The following ZNF148 variants were observed in gnomAD, a reference collection of about 807,000 sequenced individuals.
ZNF148 encodes Beta-Enolase Repressor Factor-1.
A neutral mutation model predicts 67.7 loss-of-function variants in ZNF148; 7 were observed. The observed-to-expected ratio is 0.10, with a 90% CI of 0.06 to 0.19. The LOEUF (loss-of-function observed/expected upper bound fraction) is 0.19. Ranked by LOEUF, ZNF148 falls within the 10% of genes least tolerant of loss-of-function variation. The pLI is 1.00. For missense variants in ZNF148, 583 were observed against 947.1 expected (o/e 0.62, Z 5.05); for synonymous variants, 333 against 330.7 (o/e 1.01, Z -0.08).
intron 7 of ZNF148, among the ~76,000 whole-genome samples, chr3:125,263,957 T>G (rs1415825089): frequency 6.6e-6 from 1 of 152,172 alleles, no homozygotes; most frequent in Non-Finnish European, 1.5e-5. Context: ...TAATAATCAA[T>G]CCATCATGCC....
At chr3:125,367,563 T>C (rs1204219117) in intron 1 of ZNF148, among the ~76,000 whole-genome samples, 3 of 152,274 alleles carry the variant, frequency 2.0e-5, no homozygotes, top group Non-Finnish European at 4.4e-5. Flanking sequence ...AGGCAGGTTA[T>C]GAATAAATGA....
intron 5 of ZNF148, 123 bp downstream of exon 5, chr3:125,287,980 C>G (rs935152657): frequency 9.4e-6 from 13 of 1,383,106 alleles, no homozygotes; most frequent in Non-Finnish European, 1.3e-5. Flanking sequence ...GCACGCACCC[C>G]CTCCTACTAA....
intron 4 of ZNF148, chr3:125,292,347 A>G (rs931118354): frequency 6.6e-6 from 1 of 152,178 alleles, no homozygotes; most frequent in Non-Finnish European, 1.5e-5. Flanking sequence ...AAACATTCTG[A>G]TCTATTTCCC....
intron 5 of ZNF148, among the ~76,000 whole-genome samples, chr3:125,286,094 A>G (rs1369246574): frequency 6.6e-6 from 1 of 152,232 alleles, no homozygotes; most frequent in Non-Finnish European, 1.5e-5. Context: ...ATCCGAAGTA[A>G]CAACCAATCA....
rs561367080 is a variant in ZNF148 at position 125,229,625 on chromosome 3, G to T, written c.*2716C>A. On this transcript the variant is annotated 3_prime_UTR_variant, in exon 9 of 9. Coordinates refer to ENST00000360647, the MANE Select transcript of ZNF148 (RefSeq NM_021964.3). Reference sequence around the variant, plus strand: ...CAAGAGGAAAAGCACACCTCACTCAGATTGATCAAAAGTTTAAGGGTGTAC... The same window carrying T: ...CAAGAGGAAAAGCACACCTCACTCATATTGATCAAAAGTTTAAGGGTGTAC... 3.9e-5 allele frequency: 6 copies of T among 152,268 alleles called. No individual in the cohort carries two copies. The East Asian group carries it at 7.7e-4, about 20-fold the overall frequency. 9.4% of individuals were successfully genotyped at this position (152,268 alleles called of 1,614,324 possible).
At chr3:125,290,766 C>CA (rs1432178150) in intron 4 of ZNF148, among the ~76,000 whole-genome samples, 1 of 151,526 alleles carries the variant, frequency 6.6e-6, no homozygotes. Flanking sequence ...GATGCATTAC[C>CA]AAAAAAACAC....
intron 7 of ZNF148, among the ~76,000 whole-genome samples, chr3:125,235,673 C>T (rs1448171154): frequency 6.6e-6 from 1 of 152,000 alleles, no homozygotes; most frequent in Non-Finnish European, 1.5e-5. Flanking sequence ...CTGCACTATT[C>T]ACAATAGCAA....
chr3:125,313,597 C>T lies in ZNF148; in HGVS notation c.44G>A (p.Gly15Asp), dbSNP rs1940337344. The change falls in exon 4 of 9, where the codon GGC becomes GAC. Residue 15 changes from glycine to aspartate, a missense_variant. This residue lies in a region of ZNF148 where 150 missense variants were observed against 202.5 expected (regional missense o/e 0.74). Transcript: ENST00000360647. ...DKLEGLFLKC[G>D]GIDEMQSSRT... ...GGAAGACTGCATTTCGTCTATGCCG[C>T]CACATTTAAGAAACAATCCTTCCAG... 1 of 1,614,038 alleles carries T rather than the reference C, an allele frequency of 6.2e-7. No individual in the cohort carries two copies. Among genetic ancestry groups the T allele is most frequent in the Admixed American group, 1.7e-5 (1 of 60,018 alleles).
At chr3:125,288,393 T>C (rs1938820332) in intron 4 of ZNF148, among the ~76,000 whole-genome samples, 165 bp from the exon 5 acceptor site, 1 of 151,990 alleles carries the variant, frequency 6.6e-6, no homozygotes. Flanking sequence ...AATTCATTAA[T>C]AGGCAGTGGG....
intron 7 of ZNF148, among the ~76,000 whole-genome samples, chr3:125,255,635 G>C (rs190648796): frequency 6.6e-6 from 1 of 151,828 alleles, no homozygotes; most frequent in Non-Finnish European, 1.5e-5. Flanking sequence ...AGACTGCTGG[G>C]AACAAATTTA....
At chr3:125,258,941 T>A (rs1937216888) in intron 7 of ZNF148, among the ~76,000 whole-genome samples, 1 of 152,196 alleles carries the variant, frequency 6.6e-6, no homozygotes, top group African/African-American at 2.4e-5. Context: ...CAAAAAAATA[T>A]GTTAATGTAA....
At chr3:125,336,878 T>G (rs1030601784) in intron 1 of ZNF148, among the ~76,000 whole-genome samples, 1 of 151,772 alleles carries the variant, frequency 6.6e-6, no homozygotes, top group Non-Finnish European at 1.5e-5. Context: ...GGTTTCACCA[T>G]GTTGGCCAGG....
chr3:125,264,749 C>G lies in ZNF148; in HGVS notation c.667+12977G>C, dbSNP rs898921215. On this transcript the variant is annotated intron_variant, in intron 7 of 8. Coordinates refer to ENST00000360647, the MANE Select transcript of ZNF148 (RefSeq NM_021964.3). ...TCCATTTCATTCAATTTTCAGTCTT[C>G]AGGTCTTTTTCAGAACCTCATCACT... Among the ~76,000 whole-genome samples the G allele has an allele frequency of 3.3e-5, 5 of 152,190 alleles. No individual in the cohort carries two copies. In the South Asian group the frequency reaches 6.2e-4, roughly 19 times the overall value.
intron 7 of ZNF148, among the ~76,000 whole-genome samples, chr3:125,256,907 T>A (rs1354019347): frequency 6.6e-6 from 1 of 152,064 alleles, no homozygotes; most frequent in African/African-American, 2.4e-5. Context: ...TAATCTTCCA[T>A]TAAACTTATG....
At chr3:125,244,354 C>T (rs1390953230) in intron 7 of ZNF148, among the ~76,000 whole-genome samples, 2 of 152,166 alleles carry the variant, frequency 1.3e-5, no homozygotes, top group Non-Finnish European at 2.9e-5. Context: ...GTTTGACATA[C>T]TAATCTGATT....
intron 7 of ZNF148, among the ~76,000 whole-genome samples, chr3:125,235,515 G>A (rs1418544429): frequency 1.3e-5 from 2 of 152,048 alleles, no homozygotes; most frequent in East Asian, 3.9e-4. Context: ...TCTCCTTTGG[G>A]ATACTCTGTC....
intron 7 of ZNF148, among the ~76,000 whole-genome samples, chr3:125,251,989 T>C (rs989177902): frequency 6.6e-6 from 1 of 152,230 alleles, no homozygotes; most frequent in Non-Finnish European, 1.5e-5. Flanking sequence ...CCAGGGTATA[T>C]GCAAGTGGCC....
intron 7 of ZNF148, among the ~76,000 whole-genome samples, chr3:125,250,137 G>T (rs901566745): frequency 5.3e-5 from 8 of 152,180 alleles, no homozygotes; most frequent in African/African-American, 1.9e-4. Flanking sequence ...TGGAATTGTT[G>T]AGAGTAAATC....
Position 125,295,918 on chromosome 3 carries a change from TAC to T in ZNF148, c.334-7692_334-7691del, listed in dbSNP as rs951420068. Among the ~76,000 whole-genome samples, 9 of 152,230 alleles carry T rather than the reference TAC, an allele frequency of 5.9e-5. No homozygotes were observed. The East Asian group carries it at 1.2e-3, about 20-fold the overall frequency. On this transcript the variant is annotated intron_variant, in intron 4 of 8. Transcript: ENST00000360647. ...AACACCTTAAAGCACTAAACGAATA[TAC>T]AGTTATTAATTATCATACAATTAAT...
Sources: gnomAD v4.1 joint callset for allele counts (sites outside exome capture counted in the v4.1 genomes callset) on GRCh38, gnomAD v4.1.1 for gene constraint, gnomAD v4.1.1 regional missense constraint, MANE v1.5 for transcripts, NCBI Gene and HGNC (gene_info 2026-07-23, HGNC 2026-07-21) for gene names.